The following CACNA1E variants were observed in gnomAD, a reference collection of about 807,000 sequenced individuals.
The protein encoded by CACNA1E is calcium voltage-gated channel subunit alpha1 E, also known as voltage-dependent R-type calcium channel subunit alpha-1E.
In CACNA1E, 40 loss-of-function variants were observed where a neutral mutation model predicts 259.2. That is an observed-to-expected ratio of 0.15 (90% CI 0.12 to 0.20). The LOEUF (loss-of-function observed/expected upper bound fraction) is 0.20, where lower values mean the gene tolerates loss of function less well. CACNA1E is among the 10% of genes least tolerant of loss of function. The pLI, the probability that CACNA1E is intolerant of heterozygous loss-of-function variation, is 1.00. For missense variants in CACNA1E, 1,874 were observed against 3,040.1 expected (o/e 0.62, Z 9.02); for synonymous variants, 1,104 against 1,138.5 (o/e 0.97, Z 0.61).
In CACNA1E at chr1:181,444,091, T is replaced by G. The variant is rs79730411; in HGVS notation, c.434+30511T>G. Among the ~76,000 whole-genome samples, 328 of 152,370 alleles carry G rather than the reference T, an allele frequency of 2.2e-3. 2 individuals are homozygous for G. The highest frequency in any genetic ancestry group is 7.6e-3 in the African/African-American group (318 of 41,596). ...ACTTCCAGGATTGGTTCATCTATTT[T>G]TTCTCACTCTTTTGCTTTGATCCCT... On this transcript the variant is annotated intron_variant, in intron 2 of 11. Coordinates refer to the CACNA1E transcript ENST00000524607.
Position 181,798,756 on chromosome 1 carries a change from C to A in CACNA1E, c.6864C>A (p.Arg2288=), listed in dbSNP as rs768838447. 1 of 1,601,928 alleles carries A rather than the reference C, an allele frequency of 6.2e-7. No individual in the cohort carries two copies. Among genetic ancestry groups the A allele is most frequent in the South Asian group, 1.1e-5 (1 of 90,086 alleles). Residue 2288 remains arginine (R), a synonymous_variant, in exon 48 of 48, where the codon CGC becomes CGA. Transcript: ENST00000367573. The surrounding 1 kb of genome is among the most constrained non-coding windows in gnomAD (Gnocchi z 4.2). ...ACGGGCACTATCGGCGGCGGAGGCG[C>A]GGGGGGCCTGGGCCAGGCATGATGT... is the stretch of plus-strand genomic sequence containing the variant. ...MPNGHYRRRR[R]GGPGPGMMCG...
chr1:181,443,348 A>G (rs527418715), intron 2 of CACNA1E, among the ~76,000 whole-genome samples: 8 of 152,218 alleles, frequency 5.3e-5, no homozygotes, highest in Non-Finnish European at 1.2e-4. Context: ...CACGAACTCC[A>G]TAGTCTCAAT....
At chr1:181,441,657 A>C (rs1660485380) in intron 2 of CACNA1E, among the ~76,000 whole-genome samples, 1 of 152,190 alleles carries the variant, frequency 6.6e-6, no homozygotes, top group African/African-American at 2.4e-5. Context: ...CATATCGGAT[A>C]TGGGAGACTC....
intron 3 of CACNA1E, among the ~76,000 whole-genome samples, chr1:181,568,584 GTTCA>G (rs139859676): frequency 4.0e-5 from 6 of 151,640 alleles, no homozygotes; most frequent in Admixed American, 3.9e-4. Flanking sequence ...CTTCAGATCT[GTTCA>G]TTCATTCATT....
In CACNA1E at chr1:181,801,049, G is replaced by A. The variant is rs1288547051; in HGVS notation, c.*2215G>A. 1.3e-5 allele frequency: 2 copies of A among 152,658 alleles called. No homozygotes were observed. Among genetic ancestry groups the A allele is most frequent in the East Asian group, 3.8e-4 (2 of 5,200 alleles). 9.5% of individuals were successfully genotyped at this position (152,658 alleles called of 1,614,324 possible). ...TTGTTACGTAAGACGCTGATACTGG[G>A]CCTTGTATTGCTTTTAAAGTTTCCT... On this transcript the variant is annotated 3_prime_UTR_variant, in exon 48 of 48. Transcript: ENST00000367573.
At chr1:181,616,223 G>A (rs1484347382) in intron 6 of CACNA1E, among the ~76,000 whole-genome samples, 1 of 152,170 alleles carries the variant, frequency 6.6e-6, no homozygotes, top group Non-Finnish European at 1.5e-5. Context: ...AAACAAGCTA[G>A]ATATGCTGTC....
At chr1:181,407,474 G>A (rs1361896503) in intron 1 of CACNA1E, among the ~76,000 whole-genome samples, 4 of 152,028 alleles carry the variant, frequency 2.6e-5, no homozygotes, top group African/African-American at 4.8e-5. Flanking sequence ...AGGGGGAAAG[G>A]GTGTCTATTA....
At chr1:181,473,891 G>A (rs1032126012) in intron 2 of CACNA1E, among the ~76,000 whole-genome samples, 2 of 152,164 alleles carry the variant, frequency 1.3e-5, no homozygotes, top group Admixed American at 1.3e-4. Flanking sequence ...TTTCAGTCTT[G>A]CTTCTCTTCC....
At chr1:181,506,287 C>T (rs1388477248) in intron 1 of CACNA1E, among the ~76,000 whole-genome samples, 2 of 152,206 alleles carry the variant, frequency 1.3e-5, no homozygotes, top group African/African-American at 4.8e-5. Flanking sequence ...CGTCTAGGCT[C>T]TTCACTTTGG....
At chr1:181,411,579 C>T (rs914254339) in intron 1 of CACNA1E, among the ~76,000 whole-genome samples, 7 of 152,190 alleles carry the variant, frequency 4.6e-5, no homozygotes, top group African/African-American at 1.7e-4. Flanking sequence ...ACAAAGCCCT[C>T]CTGACCAACC....
intron 7 of CACNA1E, among the ~76,000 whole-genome samples, chr1:181,663,581 A>G (rs933824076): frequency 2.6e-5 from 4 of 152,198 alleles, no homozygotes; most frequent in African/African-American, 9.6e-5. Flanking sequence ...AGGGAATGCC[A>G]TGCCCCCCTA....
chr1:181,484,715 T>C (rs1410490015), intron 1 of CACNA1E, among the ~76,000 whole-genome samples: 1 of 152,246 alleles, frequency 6.6e-6, no homozygotes, highest in African/African-American at 2.4e-5. Flanking sequence ...AGGCCCATCC[T>C]GTCCTTGGTC....
chr1:181,444,421 A>G (rs571331691), intron 2 of CACNA1E, among the ~76,000 whole-genome samples: 2 of 152,198 alleles, frequency 1.3e-5, no homozygotes, highest in South Asian at 2.1e-4. Flanking sequence ...TGGAACTGCT[A>G]TGGGGGGAAA....
At chr1:181,576,101 G>A (rs1361592986) in intron 3 of CACNA1E, among the ~76,000 whole-genome samples, 5 of 152,170 alleles carry the variant, frequency 3.3e-5, no homozygotes, top group African/African-American at 1.2e-4. Flanking sequence ...TTCTGACGAC[G>A]GCATGGAAGT....
chr1:181,656,426 A>T (rs1659213281), intron 7 of CACNA1E, among the ~76,000 whole-genome samples: 1 of 152,206 alleles, frequency 6.6e-6, no homozygotes, highest in Admixed American at 6.5e-5. Flanking sequence ...AAAAAGTAAG[A>T]ATAAAAAAAG....
intron 7 of CACNA1E, among the ~76,000 whole-genome samples, chr1:181,658,800 G>A (rs78574247): frequency 5.3e-4 from 81 of 152,284 alleles, no homozygotes; most frequent in African/African-American, 1.7e-3. Context: ...GTTCACAATA[G>A]GGGCCTTATA....
intron 2 of CACNA1E, among the ~76,000 whole-genome samples, chr1:181,472,436 G>A (rs1269771677): frequency 6.6e-6 from 1 of 152,196 alleles, no homozygotes; most frequent in Non-Finnish European, 1.5e-5. Flanking sequence ...CTTCTTCACT[G>A]TAGTAACCAT....
chr1:181,724,143 GA>G (rs1395174474), intron 16 of CACNA1E, among the ~76,000 whole-genome samples: 1 of 152,144 alleles, frequency 6.6e-6, no homozygotes, highest in Non-Finnish European at 1.5e-5. Context: ...TGTATGCCAG[GA>G]AACACAGTTA....
Position 181,732,014 on chromosome 1 carries a change from A to T in CACNA1E, c.2298-370A>T, listed in dbSNP as rs139289481. ...TTTGACCTTGAATCAAGGGCCGTTG[A>T]GTGTGTACAAGCAGATGCCCCGAAA... On this transcript the variant is annotated intron_variant, in intron 19 of 47. Transcript: ENST00000367573. This position sits in a 1 kb window ranked among gnomAD's most constrained non-coding sequence, Gnocchi z 5.5. Among the ~76,000 whole-genome samples the T allele has an allele frequency of 4.8e-3, 735 of 151,780 alleles. 3 individuals carry two copies. Among genetic ancestry groups the T allele is most frequent in the South Asian group, 0.012 (56 of 4,770 alleles).
Sources: allele counts gnomAD v4.1 joint callset (sites outside exome capture counted in the v4.1 genomes callset), GRCh38; gene constraint gnomAD v4.1.1; non-coding constraint Gnocchi (gnomAD v3.1); transcripts MANE v1.5; gene names NCBI Gene and HGNC (gene_info 2026-07-23, HGNC 2026-07-21).